The following SLC35D4 variants were observed in gnomAD, a reference collection of about 807,000 sequenced individuals.
SLC35D4 encodes the protein solute carrier family 35 member D4, also known as UDP-N-acetylglucosamine transporter SLC35D4.
At chr18:23,245,863 G>C in the SLC35D4 span, among the ~76,000 whole-genome samples, 1 of 152,234 alleles carries the variant, frequency 6.6e-6, no homozygotes, top group African/African-American at 2.4e-5. Context: ...AAACACAACT[G>C]CCTGCTGCAG....
the SLC35D4 span, among the ~76,000 whole-genome samples, chr18:23,374,857 G>A: frequency 3.4e-4 from 52 of 152,180 alleles, no homozygotes; most frequent in African/African-American, 1.2e-3. Flanking sequence ...GCTCATACCT[G>A]TAATCCCAGC....
chr18:23,344,587 CTTT>C, the SLC35D4 span, among the ~76,000 whole-genome samples: 1 of 134,018 alleles, frequency 7.5e-6, no homozygotes, highest in South Asian at 2.5e-4. Flanking sequence ...TTTTCTTTTT[CTTT>C]TTTTTTCTTC....
At chr18:23,267,067 G>T in the SLC35D4 span, among the ~76,000 whole-genome samples, 1 of 152,224 alleles carries the variant, frequency 6.6e-6, no homozygotes, top group African/African-American at 2.4e-5. Flanking sequence ...TCTGCATGGG[G>T]CCTGACCCAG....
the SLC35D4 span, among the ~76,000 whole-genome samples, chr18:23,363,432 TGA>T: frequency 7.7e-6 from 1 of 129,674 alleles, no homozygotes; most frequent in East Asian, 2.5e-4. Flanking sequence ...TGGAGTGCAG[TGA>T]GGCGATCTCA....
chr18:23,399,529 A>C, the SLC35D4 span: 1 of 1,582,574 alleles, frequency 6.3e-7, no homozygotes. Context: ...GGGGAAAGGG[A>C]GAGAGGAGTT....
the SLC35D4 span, chr18:23,310,330 G>A: frequency 1.0e-6 from 1 of 960,194 alleles, no homozygotes; most frequent in Non-Finnish European, 1.2e-6. Context: ...AGAAGCCAGA[G>A]GAGAGGGAAG....
chr18:23,253,862 G>A, the SLC35D4 span: 1 of 1,614,262 alleles, frequency 6.2e-7, no homozygotes, highest in Non-Finnish European at 8.5e-7. Context: ...GAAGCTGTGT[G>A]CTGGGGCATG....
At chr18:23,245,018 G>T in the SLC35D4 span, among the ~76,000 whole-genome samples, 2 of 152,206 alleles carry the variant, frequency 1.3e-5, no homozygotes, top group African/African-American at 2.4e-5. Context: ...CAACCTGTCT[G>T]CTCTGAGACC....
At chr18:23,332,557 A>G in the SLC35D4 span, among the ~76,000 whole-genome samples, 8 of 152,130 alleles carry the variant, frequency 5.3e-5, no homozygotes, top group African/African-American at 1.9e-4. Context: ...TTAATACCAC[A>G]TTTTCTCAAT....
At chr18:23,295,843 A>C in the SLC35D4 span, among the ~76,000 whole-genome samples, 1 of 152,194 alleles carries the variant, frequency 6.6e-6, no homozygotes, top group African/African-American at 2.4e-5. Flanking sequence ...TCAACACTAC[A>C]GGGCCTGGCT....
chr18:23,253,438 G>A, the SLC35D4 span, among the ~76,000 whole-genome samples: 132 of 152,322 alleles, frequency 8.7e-4, 1 homozygote, highest in Non-Finnish European at 1.5e-3. Context: ...AGCCAAGATC[G>A]TGCCACTGCA....
the SLC35D4 span, among the ~76,000 whole-genome samples, chr18:23,353,360 ACT>A: frequency 2.0e-5 from 3 of 151,970 alleles, no homozygotes; most frequent in African/African-American, 7.3e-5. Flanking sequence ...CTGATCATAA[ACT>A]CTGAGCAGGA....
the SLC35D4 span, among the ~76,000 whole-genome samples, chr18:23,264,151 T>C: frequency 2.6e-5 from 4 of 152,198 alleles, no homozygotes; most frequent in South Asian, 4.1e-4. Context: ...AGTTCTTGCA[T>C]TGCTATAAAG....
At chr18:23,365,473 G>A in the SLC35D4 span, among the ~76,000 whole-genome samples, 1 of 152,178 alleles carries the variant, frequency 6.6e-6, no homozygotes, top group Admixed American at 6.5e-5. Context: ...TGATAAATTG[G>A]TTTATTAAGA....
the SLC35D4 span, among the ~76,000 whole-genome samples, chr18:23,348,576 A>G: frequency 2.0e-5 from 3 of 152,326 alleles, no homozygotes; most frequent in Admixed American, 2.0e-4. Context: ...TTTTATCATT[A>G]TTAAATGTCC....
At chr18:23,331,196 G>A in the SLC35D4 span, 1 of 152,366 alleles carries the variant, frequency 6.6e-6, no homozygotes, top group Non-Finnish European at 1.5e-5. Flanking sequence ...GCGCGCCCGT[G>A]TGGGGCAGGA....
chr18:23,275,488 C>T, the SLC35D4 span, among the ~76,000 whole-genome samples: 6 of 152,258 alleles, frequency 3.9e-5, no homozygotes, highest in South Asian at 1.0e-3. Context: ...ATCACCTGAC[C>T]GGAGGCTGAA....
chr18:23,418,735 C>T, the SLC35D4 span, among the ~76,000 whole-genome samples: 2 of 151,430 alleles, frequency 1.3e-5, no homozygotes, highest in Admixed American at 6.6e-5. Context: ...TGGCCGGGTA[C>T]GGTGGCTCAA....
At chr18:23,263,098 AACATC>A in the SLC35D4 span, among the ~76,000 whole-genome samples, 921 of 152,324 alleles carry the variant, frequency 6.0e-3, 5 homozygotes, top group African/African-American at 0.021. Flanking sequence ...GGGGCTCTGA[AACATC>A]ACATAAGGTG....
Sources: allele counts gnomAD v4.1 joint callset (sites outside exome capture counted in the v4.1 genomes callset), GRCh38; gene constraint gnomAD v4.1.1; transcripts MANE v1.5; gene names NCBI Gene and HGNC (gene_info 2026-07-23, HGNC 2026-07-21).